The following SRGAP2B variants were observed in gnomAD, a reference collection of about 807,000 sequenced individuals.
SRGAP2B encodes SLIT-ROBO Rho GTPase activating protein 2B.
Under a neutral mutation model 22.2 loss-of-function variants are expected in SRGAP2B, and 9 were observed. That is an observed-to-expected ratio of 0.41 (90% CI 0.24 to 0.71). The LOEUF is 0.71. Among genes scored for constraint, SRGAP2B ranks in the 30% least tolerant of loss-of-function variants. SRGAP2B has a pLI of 0.35. For missense variants in SRGAP2B, 114 were observed against 235.8 expected, an observed-to-expected ratio of 0.48 and a Z score of 3.38; for synonymous variants, 36 against 87.4, an observed-to-expected ratio of 0.41 and a Z score of 3.28.
intron 7 of SRGAP2B, among the ~76,000 whole-genome samples, chr1:144,904,070 T>G (rs1662807116): frequency 6.9e-6 from 1 of 144,790 alleles, no homozygotes; most frequent in Admixed American, 6.9e-5. Context: ...AAAACACATG[T>G]GCCTATTAAC....
At chr1:144,934,342 T>C (rs1253576851) in intron 4 of SRGAP2B, among the ~76,000 whole-genome samples, 1 of 131,818 alleles carries the variant, frequency 7.6e-6, no homozygotes, top group African/African-American at 3.1e-5. Context: ...AGGCGGGGGT[T>C]ACAGTGAGTC....
intron 2 of SRGAP2B, among the ~76,000 whole-genome samples, chr1:145,080,129 T>G (rs1553634564): frequency 6.7e-6 from 1 of 149,734 alleles, no homozygotes; most frequent in African/African-American, 2.5e-5. Context: ...CCAACATGGA[T>G]GGGGAAAACC....
chr1:145,025,938 G>A (rs1417910094), intron 2 of SRGAP2B, among the ~76,000 whole-genome samples: 2 of 148,940 alleles, frequency 1.3e-5, no homozygotes, highest in Non-Finnish European at 3.0e-5. Context: ...CCTACAACAC[G>A]CCTTGGGGAG....
intron 2 of SRGAP2B, among the ~76,000 whole-genome samples, chr1:145,022,930 G>A (rs1247626350): frequency 6.7e-6 from 1 of 149,470 alleles, no homozygotes; most frequent in Non-Finnish European, 1.5e-5. Flanking sequence ...ACTTTGGGAG[G>A]CCCAGGCTGG....
intron 2 of SRGAP2B, among the ~76,000 whole-genome samples, chr1:145,040,518 T>C (rs1553627279): frequency 1.3e-5 from 2 of 150,820 alleles, no homozygotes; most frequent in African/African-American, 4.9e-5. Flanking sequence ...GGGCCATATG[T>C]TCTCTGTTGA....
chr1:144,924,601 G>C (rs1199502695), intron 4 of SRGAP2B, among the ~76,000 whole-genome samples: 1 of 151,260 alleles, frequency 6.6e-6, no homozygotes, highest in Non-Finnish European at 1.5e-5. Context: ...GCGTAGTGGC[G>C]GGCGCCTGTA....
intron 6 of SRGAP2B, among the ~76,000 whole-genome samples, chr1:144,905,460 A>C (rs1293230732): frequency 6.7e-6 from 1 of 149,678 alleles, no homozygotes; most frequent in Non-Finnish European, 1.5e-5. Context: ...CTATCTTCAA[A>C]TATCATTCTT....
intron 2 of SRGAP2B, among the ~76,000 whole-genome samples, chr1:144,998,457 A>G (rs1448302478): frequency 7.2e-6 from 1 of 138,218 alleles, no homozygotes; most frequent in East Asian, 2.1e-4. Flanking sequence ...CTGATCCAGG[A>G]AAAAAAAGAG....
At chr1:144,917,727 C>T (rs1366166248) in intron 4 of SRGAP2B, 1 of 134,806 alleles carries the variant, frequency 7.4e-6, no homozygotes, top group East Asian at 2.1e-4. Context: ...GCTGGGAATA[C>T]ATGTGTAGCG....
intron 4 of SRGAP2B, among the ~76,000 whole-genome samples, chr1:144,931,810 CTTCAACAGCCCAT>C (rs1665207789): frequency 1.5e-5 from 2 of 137,612 alleles, no homozygotes; most frequent in Non-Finnish European, 3.1e-5. Flanking sequence ...CTGTGGAAGC[CTTCAACAGCCCAT>C]GTGTTCTTTG....
intron 4 of SRGAP2B, among the ~76,000 whole-genome samples, chr1:144,932,539 C>A (rs1451025064): frequency 6.7e-6 from 1 of 149,674 alleles, no homozygotes; most frequent in South Asian, 2.1e-4. Context: ...TTTGGGTAAA[C>A]CCTAGGCATA....
intron 4 of SRGAP2B, among the ~76,000 whole-genome samples, chr1:144,939,381 T>G (rs1665861493): frequency 1.3e-5 from 2 of 150,658 alleles, no homozygotes; most frequent in Admixed American, 1.3e-4. Context: ...CTTTCCCCTC[T>G]ATGAAGCTCT....
At chr1:144,897,649 TC>T (rs1662393558) in intron 7 of SRGAP2B, among the ~76,000 whole-genome samples, 2 of 147,112 alleles carry the variant, frequency 1.4e-5, no homozygotes, top group Admixed American at 1.3e-4. Context: ...AAGAGAATCC[TC>T]TTTCATTTTC....
intron 2 of SRGAP2B, among the ~76,000 whole-genome samples, chr1:145,080,614 G>A (rs1297451898): frequency 1.4e-5 from 2 of 146,684 alleles, no homozygotes; most frequent in African/African-American, 2.6e-5. Context: ...GCAATGGTGC[G>A]ATCTGGGCTC....
chr1:144,948,909 C>T lies in SRGAP2B; in HGVS notation c.423+6530G>A, dbSNP rs11807865. On this transcript the variant is annotated intron_variant, in intron 4 of 9. Transcript: ENST00000612199. Reference sequence around the variant, plus strand: ...GTTCCAAAGGTTAGAATATGGACCTCTTTTTTTTTTTTTTTTTTTTTGAGG... The same window carrying T: ...GTTCCAAAGGTTAGAATATGGACCTTTTTTTTTTTTTTTTTTTTTTTGAGG... 1.2e-3 allele frequency among the ~76,000 whole-genome samples: 117 copies of T among 100,224 alleles called. 3 individuals are homozygous for T. The highest frequency in any genetic ancestry group is 4.9e-3 in the African/African-American group (112 of 23,000). 65.8% of individuals were successfully genotyped at this position (100,224 alleles called of 152,430 possible).
intron 2 of SRGAP2B, among the ~76,000 whole-genome samples, chr1:145,015,425 A>G (rs1672344741): frequency 8.9e-6 from 1 of 112,832 alleles, no homozygotes; most frequent in African/African-American, 3.8e-5. Context: ...TCTAATATAA[A>G]AGTCTTTTTA....
At chr1:145,037,184 T>TC (rs1375982283) in intron 2 of SRGAP2B, among the ~76,000 whole-genome samples, 2 of 56,002 alleles carry the variant, frequency 3.6e-5, no homozygotes, top group Non-Finnish European at 3.6e-5. Flanking sequence ...ATCCGTCCCC[T>TC]CCCCCATCCC....
Position 145,066,719 on chromosome 1 carries a change from C to A in SRGAP2B, c.67+26116G>T, listed in dbSNP as rs1431946073. Among the ~76,000 whole-genome samples, 7 of 151,890 alleles carry A rather than the reference C, an allele frequency of 4.6e-5. No homozygotes were observed. In the South Asian group the frequency reaches 1.5e-3, roughly 32 times the overall value. On this transcript the variant is annotated intron_variant, in intron 2 of 9. Transcript: ENST00000612199. ...GGAGCACAGACGCTGAACGCAGCCGCCTGACCAGAATGCAGACACCAGGGC... is the reference window on the plus strand; with the variant it reads ...GGAGCACAGACGCTGAACGCAGCCGACTGACCAGAATGCAGACACCAGGGC...
At chr1:145,030,334 T>A (rs1297622740) in intron 2 of SRGAP2B, among the ~76,000 whole-genome samples, 1 of 150,222 alleles carries the variant, frequency 6.7e-6, no homozygotes, top group Non-Finnish European at 1.5e-5. Context: ...TTTAGTCTTA[T>A]ATCTATCTTA....
Sources: gnomAD v4.1 joint callset for allele counts (sites outside exome capture counted in the v4.1 genomes callset) on GRCh38, gnomAD v4.1.1 for gene constraint, MANE v1.5 for transcripts, NCBI Gene and HGNC (gene_info 2026-07-23, HGNC 2026-07-21) for gene names.